RNGTT: variants seen among roughly 807,000 people sequenced by gnomAD.
The protein encoded by RNGTT is RNA guanylyltransferase and 5'-phosphatase, also known as mRNA-capping enzyme.
RNGTT carries 33 observed loss-of-function variants against 79.3 expected under a neutral mutation model. The ratio of observed to expected loss-of-function variants is 0.42; its 90% CI spans 0.32 to 0.56. RNGTT has a LOEUF of 0.56. RNGTT is among the 20% of genes least tolerant of loss of function. RNGTT has a pLI of 0.17. For missense variants in RNGTT, 497 were observed against 739.1 expected (o/e 0.67, Z 3.80); for synonymous variants, 222 against 235.9 (o/e 0.94, Z 0.54).
chr6:88,648,397 A>G (rs944856829), intron 14 of RNGTT, among the ~76,000 whole-genome samples: 1 of 152,012 alleles, frequency 6.6e-6, no homozygotes, highest in African/African-American at 2.4e-5. Context: ...TGGATGCAGT[A>G]CACCAACATG....
chr6:88,757,160 C>T (rs1778046649), intron 13 of RNGTT, among the ~76,000 whole-genome samples: 1 of 152,058 alleles, frequency 6.6e-6, no homozygotes, highest in South Asian at 2.1e-4. Context: ...TTTGCTATGT[C>T]CGAAAACCAG....
intron 12 of RNGTT, among the ~76,000 whole-genome samples, chr6:88,772,055 T>C (rs534400233): frequency 6.6e-6 from 1 of 152,004 alleles, no homozygotes; most frequent in Non-Finnish European, 1.5e-5. Flanking sequence ...GGCACATGCC[T>C]GTAGTCCCGG....
At chr6:88,728,087 G>A (rs187671396) in intron 13 of RNGTT, among the ~76,000 whole-genome samples, 1 of 152,164 alleles carries the variant, frequency 6.6e-6, no homozygotes, top group Non-Finnish European at 1.5e-5. Flanking sequence ...CAGGGTCATG[G>A]GCCATAGTCC....
intron 14 of RNGTT, among the ~76,000 whole-genome samples, chr6:88,649,697 A>C (rs77787159): frequency 1.4e-5 from 2 of 144,280 alleles, no homozygotes; most frequent in African/African-American, 5.1e-5. Flanking sequence ...ACTAAGTCTC[A>C]AAAAAAAAAA....
At chr6:88,631,669 A>G (rs766391018) in intron 14 of RNGTT, among the ~76,000 whole-genome samples, 29 of 151,928 alleles carry the variant, frequency 1.9e-4, no homozygotes, top group Non-Finnish European at 4.0e-4. Flanking sequence ...AGGCCCTATG[A>G]TGCAGGTACC....
At chr6:88,716,021 G>T (rs919985445) in intron 13 of RNGTT, among the ~76,000 whole-genome samples, 1 of 151,742 alleles carries the variant, frequency 6.6e-6, no homozygotes, top group African/African-American at 2.4e-5. Context: ...CCATCAGAGT[G>T]AACAGGCAAC....
At chr6:88,669,191 C>T (rs1214859567) in intron 14 of RNGTT, among the ~76,000 whole-genome samples, 1 of 152,286 alleles carries the variant, frequency 6.6e-6, no homozygotes, top group East Asian at 1.9e-4. Context: ...TCCCCCAAAC[C>T]AGTGTTCCAG....
intron 6 of RNGTT, among the ~76,000 whole-genome samples, chr6:88,892,710 A>G (rs1394266464): frequency 6.6e-6 from 1 of 152,132 alleles, no homozygotes; most frequent in African/African-American, 2.4e-5. Flanking sequence ...GACTGGCATC[A>G]GTCTTAAGAA....
intron 9 of RNGTT, among the ~76,000 whole-genome samples, chr6:88,852,686 G>T (rs114793103): frequency 6.6e-6 from 1 of 152,118 alleles, no homozygotes; most frequent in African/African-American, 2.4e-5. Flanking sequence ...AAGGGAACTG[G>T]TTAAATAAAT....
At position 88,699,802 on chromosome 6, in the gene RNGTT, A is replaced by G. The variant is rs78401100; in HGVS notation, c.1440-21383T>C. On this transcript the variant is annotated intron_variant, in intron 13 of 15. Coordinates refer to ENST00000369485, the MANE Select transcript of RNGTT (RefSeq NM_003800.5). ...ACTTGAAAACATTATGCTAAGTGAC[A>G]TAAGTCAGACACAAAAAGACAAATA... 4.3e-4 allele frequency among the ~76,000 whole-genome samples: 66 copies of G among 152,382 alleles called. No individual in the cohort carries two copies. In the East Asian group the frequency reaches 0.012, roughly 28 times the overall value.
intron 13 of RNGTT, among the ~76,000 whole-genome samples, chr6:88,728,033 G>GGGAT (rs1327180513): frequency 1.3e-5 from 2 of 152,094 alleles, no homozygotes; most frequent in Non-Finnish European, 2.9e-5. Context: ...TAGTGGAAAG[G>GGGAT]GGATGGACTC....
chr6:88,849,641 C>A, intron 10 of RNGTT, 114 bp downstream of exon 10: 1 of 907,806 alleles, frequency 1.1e-6, no homozygotes, highest in Non-Finnish European at 1.5e-6. Context: ...CAGTGAGTAA[C>A]CTGAGTCACA....
intron 13 of RNGTT, among the ~76,000 whole-genome samples, chr6:88,729,388 G>GAAAAAAAAAAA (rs59571346): frequency 1.3e-5 from 1 of 79,728 alleles, no homozygotes; most frequent in African/African-American, 3.5e-5. Flanking sequence ...ACCAGAAAAA[G>GAAAAAAAAAAA]AAAAAAAAAA....
At chr6:88,811,423 AG>A (rs1436771126) in intron 11 of RNGTT, among the ~76,000 whole-genome samples, 1 of 152,214 alleles carries the variant, frequency 6.6e-6, no homozygotes, top group African/African-American at 2.4e-5. Flanking sequence ...CAAAGATTGG[AG>A]GAACTGACAA....
intron 12 of RNGTT, among the ~76,000 whole-genome samples, chr6:88,780,127 T>C (rs1457648896): frequency 6.6e-6 from 1 of 152,224 alleles, no homozygotes; most frequent in Non-Finnish European, 1.5e-5. Flanking sequence ...TAGAATGTAA[T>C]TCTACTTCAG....
chr6:88,803,055 C>T (rs1441091366), intron 11 of RNGTT, among the ~76,000 whole-genome samples: 2 of 152,206 alleles, frequency 1.3e-5, no homozygotes, highest in Non-Finnish European at 2.9e-5. Flanking sequence ...ACGTATTTCA[C>T]TTGCAACAAA....
At chr6:88,876,119 T>C (rs1012250343) in intron 8 of RNGTT, among the ~76,000 whole-genome samples, 1 of 151,992 alleles carries the variant, frequency 6.6e-6, no homozygotes, top group African/African-American at 2.4e-5. Context: ...AAAACTGGAG[T>C]CTAAATGCCC....
chr6:88,715,001 A>G (rs1234768613), intron 13 of RNGTT, among the ~76,000 whole-genome samples: 1 of 152,198 alleles, frequency 6.6e-6, no homozygotes, highest in Non-Finnish European at 1.5e-5. Flanking sequence ...AGGGTATTCA[A>G]TTAGGAAAAG....
rs536383549 is a variant in RNGTT, at chr6:88,670,388, G to C, written c.1506+7965C>G. Among the ~76,000 whole-genome samples, 4 of 152,210 alleles carry C rather than the reference G, an allele frequency of 2.6e-5. No homozygotes were observed. The South Asian group carries it at 6.2e-4, about 24-fold the overall frequency. ...GTCACTACTTTAATTCACCAAAATA[G>C]TTCAGCACAAGTGTATTACATGAAT... On this transcript the variant is annotated intron_variant, in intron 14 of 15. Transcript: ENST00000369485.
Sources: gnomAD v4.1 joint callset for allele counts (sites outside exome capture counted in the v4.1 genomes callset) on GRCh38, gnomAD v4.1.1 for gene constraint, MANE v1.5 for transcripts, NCBI Gene and HGNC (gene_info 2026-07-23, HGNC 2026-07-21) for gene names.